Variants in NEK1 observed in about 807,000 individuals in gnomAD.
NEK1 encodes serine/threonine-protein kinase Nek1.
Under a neutral mutation model 182.1 loss-of-function variants are expected in NEK1, and 137 were observed. The observed-to-expected ratio is 0.75, with a 90% confidence interval of 0.65 to 0.87. The LOEUF is 0.87. Ranked by LOEUF, NEK1 falls within the 40% of genes least tolerant of loss-of-function variation. The pLI, the probability that NEK1 is intolerant of heterozygous loss-of-function variation, is 0.00. For synonymous variants in NEK1, 513 were observed against 492.2 expected (o/e 1.04, Z -0.56); for missense variants, 1,391 against 1,494.4 (o/e 0.93, Z 1.14).
intron 28 of NEK1, among the ~76,000 whole-genome samples, chr4:169,435,433 C>G (rs1738228498): frequency 6.6e-6 from 1 of 152,154 alleles, no homozygotes; most frequent in Non-Finnish European, 1.5e-5. Context: ...ATACTAGTAA[C>G]TATGTTCTAA....
chr4:169,526,445 T>A (rs1001913240), intron 19 of NEK1, among the ~76,000 whole-genome samples: 122 of 152,182 alleles, frequency 8.0e-4, no homozygotes, highest in African/African-American at 2.8e-3. Flanking sequence ...GCTACAGATT[T>A]GCAACACTGC....
chr4:169,551,603 T>C (rs1190974990), intron 18 of NEK1, among the ~76,000 whole-genome samples: 4 of 152,170 alleles, frequency 2.6e-5, no homozygotes, highest in Admixed American at 6.5e-5. Flanking sequence ...AATTTGTATG[T>C]ATGATTTTGT....
intron 19 of NEK1, among the ~76,000 whole-genome samples, chr4:169,524,698 C>T (rs1462964582): frequency 1.3e-5 from 2 of 152,112 alleles, no homozygotes; most frequent in African/African-American, 4.8e-5. Context: ...AACTATGGTC[C>T]ATGGTCCAAA....
At chr4:169,445,946 A>G (rs1333445802) in intron 27 of NEK1, among the ~76,000 whole-genome samples, 1 of 151,722 alleles carries the variant, frequency 6.6e-6, no homozygotes, top group Non-Finnish European at 1.5e-5. Context: ...TTTTGCAGTA[A>G]GATGGATAGA....
At chr4:169,551,563 T>A (rs1391809012) in intron 18 of NEK1, among the ~76,000 whole-genome samples, 1 of 152,158 alleles carries the variant, frequency 6.6e-6, no homozygotes, top group East Asian at 1.9e-4. Flanking sequence ...GAAATATGTA[T>A]GGTAAGAACA....
At chr4:169,419,395 T>G (rs1403325875) in intron 31 of NEK1, among the ~76,000 whole-genome samples, 1 of 151,200 alleles carries the variant, frequency 6.6e-6, no homozygotes, top group Non-Finnish European at 1.5e-5. Context: ...GTTCTTAAAG[T>G]GGAAGAAAAA....
In NEK1 at chr4:169,521,430, G is replaced by T. The variant is rs955796609; in HGVS notation, c.1666-12578C>A. 1.5e-4 allele frequency among the ~76,000 whole-genome samples: 22 copies of T among 149,118 alleles called. No homozygotes were observed. The South Asian group carries it at 4.6e-3, about 31-fold the overall frequency. ...TGGCACTCCCTAGTGAGATGAACCC[G>T]GTACCTCAGATGGAAATGCAGAAAT... On this transcript the variant is annotated intron_variant, in intron 19 of 35. Transcript: ENST00000507142.
chr4:169,609,283 A>G (rs1011997167), intron 2 of NEK1, among the ~76,000 whole-genome samples: 9 of 152,262 alleles, frequency 5.9e-5, no homozygotes, highest in African/African-American at 1.9e-4. Context: ...TAAGGAAAAT[A>G]ATTTGGCAAC....
At chr4:169,547,116 T>C (rs1760612910) in intron 18 of NEK1, among the ~76,000 whole-genome samples, 1 of 152,220 alleles carries the variant, frequency 6.6e-6, no homozygotes, top group South Asian at 2.1e-4. Context: ...TGGTACCAGT[T>C]GTTCCTTTCC....
chr4:169,450,962 C>CA (rs538941716), intron 27 of NEK1, among the ~76,000 whole-genome samples: 9 of 151,106 alleles, frequency 6.0e-5, no homozygotes, highest in South Asian at 2.1e-4. Context: ...AAATGGAAAG[C>CA]AAAAAAAAGC....
intron 18 of NEK1, among the ~76,000 whole-genome samples, chr4:169,552,089 A>G (rs987849353): frequency 6.6e-6 from 1 of 152,144 alleles, no homozygotes. Context: ...TGGAGTAGTG[A>G]AAGTTGTTGC....
In NEK1 at chr4:169,428,808, C is replaced by T. The variant is rs145497899; in HGVS notation, c.2886-2574G>A. The stretch of plus-strand genomic sequence containing the variant: ...TGCCTTTCCTATTATTAGTTTGGTG[C>T]ACACCTTACGAGATTTTTCCTTTAA... On this transcript the variant is annotated intron_variant, in intron 29 of 35. Transcript: ENST00000507142. Among the ~76,000 whole-genome samples the T allele has an allele frequency of 4.0e-4, 61 of 152,236 alleles. 1 individual carries two copies. In the East Asian group the frequency reaches 7.7e-3, roughly 19 times the overall value.
At chr4:169,544,017 T>C (rs571967980) in intron 18 of NEK1, among the ~76,000 whole-genome samples, 1 of 152,342 alleles carries the variant, frequency 6.6e-6, no homozygotes, top group East Asian at 1.9e-4. Flanking sequence ...CTTCCAATGA[T>C]ATGTTGAATA....
At chr4:169,495,400 T>A (rs1250266004) in intron 23 of NEK1, among the ~76,000 whole-genome samples, 1 of 151,924 alleles carries the variant, frequency 6.6e-6, no homozygotes, top group Non-Finnish European at 1.5e-5. Context: ...CGCGCCACCA[T>A]GACCAGCTAA....
intron 12 of NEK1, among the ~76,000 whole-genome samples, chr4:169,565,294 A>G (rs758267150): frequency 2.0e-5 from 3 of 152,216 alleles, no homozygotes; most frequent in Non-Finnish European, 4.4e-5. Context: ...TATCTTCACT[A>G]TATGTATAGC....
At chr4:169,465,017 T>A (rs1030255060) in intron 26 of NEK1, among the ~76,000 whole-genome samples, 1 of 152,102 alleles carries the variant, frequency 6.6e-6, no homozygotes, top group Non-Finnish European at 1.5e-5. Context: ...TAATATTATG[T>A]ATTATGAGGC....
chr4:169,464,529 T>A (rs114184841), intron 26 of NEK1, among the ~76,000 whole-genome samples: 3 of 152,246 alleles, frequency 2.0e-5, no homozygotes, highest in African/African-American at 7.2e-5. Context: ...TCACATGGGG[T>A]CAGATGTGGG....
chr4:169,584,329 A>G (rs552056334), intron 10 of NEK1, among the ~76,000 whole-genome samples: 1 of 152,288 alleles, frequency 6.6e-6, no homozygotes, highest in Non-Finnish European at 1.5e-5. Context: ...ACACATTTAT[A>G]GGCCAGGCGT....
chr4:169,569,922 G>A (rs1453107165), intron 12 of NEK1, among the ~76,000 whole-genome samples: 2 of 152,190 alleles, frequency 1.3e-5, no homozygotes, highest in African/African-American at 2.4e-5. Context: ...ACCCCGTCTG[G>A]GAAGTGAGGA....
Sources: allele counts gnomAD v4.1 joint callset (sites outside exome capture counted in the v4.1 genomes callset), GRCh38; gene constraint gnomAD v4.1.1; transcripts MANE v1.5; gene names NCBI Gene and HGNC (gene_info 2026-07-23, HGNC 2026-07-21).